The following COG7 variants were observed in gnomAD, a reference collection of about 807,000 sequenced individuals.
COG7 encodes the protein conserved oligomeric Golgi complex subunit 7.
Under a neutral mutation model 91.5 loss-of-function variants are expected in COG7, and 49 were observed. The ratio of observed to expected loss-of-function variants is 0.54; its 90% CI spans 0.43 to 0.68. COG7 has a LOEUF of 0.68. COG7 is among the 30% of genes least tolerant of loss of function. The probability of loss-of-function intolerance (pLI) is 0.00; values close to 1 mark genes in which losing one functional copy is unlikely to be tolerated. For missense variants in COG7, 895 were observed against 961.3 expected (o/e 0.93, Z 0.91); for synonymous variants, 365 against 388.7 (o/e 0.94, Z 0.72).
rs760971355 is a variant in COG7 at position 23,403,824 on chromosome 16, G to A, written c.1673C>T (p.Ser558Leu). The change falls in exon 13 of 17, where the codon TCA (serine) becomes TTA (leucine). Residue 558 changes from serine (S) to leucine (L), a missense_variant. Physicochemically the swap from Ser to Leu is moderately radical, Grantham distance 145 (BLOSUM62 -2). Coordinates refer to ENST00000307149, the MANE Select transcript of COG7 (RefSeq NM_153603.4). ...EILYTLKEKG[S>L]SNHNLLAAPR... Reference sequence around the variant, plus strand: ...TGCAGCCAGCAGGTTGTGGTTGCTTGACCCTTTTTCCTAAGACAAGAAAAT... The same window carrying A: ...TGCAGCCAGCAGGTTGTGGTTGCTTAACCCTTTTTCCTAAGACAAGAAAAT... The A allele has an allele frequency of 6.2e-7, 1 of 1,614,200 alleles. No homozygotes were observed. The highest frequency in any genetic ancestry group is 1.1e-5 in the South Asian group (1 of 91,076).
chr16:23,434,676 C>T lies in COG7; in HGVS notation c.647G>A (p.Arg216Gln), dbSNP rs766859040. The change falls in exon 5 of 17, where the codon CGG (arginine) becomes CAG (glutamine). Residue 216 changes from arginine (R) to glutamine (Q), a missense_variant. Coordinates refer to ENST00000307149, the MANE Select transcript of COG7 (RefSeq NM_153603.4). ...VFVKVFTEID[R>Q]MPQLLAYYYK... The stretch of plus-strand genomic sequence containing the variant: ...GTAGTAGGCCAGGAGCTGGGGCATC[C>T]GGTCAATTTCAGTAAACACCTTCAC... 2.5e-5 allele frequency: 41 copies of T among 1,613,692 alleles called. No individual in the cohort carries two copies. Among genetic ancestry groups the T allele is most frequent in the East Asian group, 8.9e-5 (4 of 44,884 alleles).
chr16:23,391,862 CTGGA>C (rs776553654), intron 16 of COG7: 10 of 351,578 alleles, frequency 2.8e-5, no homozygotes, highest in African/African-American at 4.3e-5. Context: ...AGGATGCTAT[CTGGA>C]TGGAGACCAC....
At chr16:23,427,997 G>A (rs1963875287) in intron 6 of COG7, among the ~76,000 whole-genome samples, 1 of 152,116 alleles carries the variant, frequency 6.6e-6, no homozygotes. Context: ...GCAACATGGT[G>A]AAACCCTGTC....
chr16:23,434,608 A>C (rs1419952346), intron 5 of COG7, 28 bp downstream of exon 5: 1 of 1,542,906 alleles, frequency 6.5e-7, no homozygotes, highest in African/African-American at 1.4e-5. Flanking sequence ...CCACAACTGC[A>C]CAACTGTCAT....
At chr16:23,397,152 T>C (rs1963298709) in intron 14 of COG7, among the ~76,000 whole-genome samples, 1 of 152,150 alleles carries the variant, frequency 6.6e-6, no homozygotes, top group African/African-American at 2.4e-5. Context: ...CAAGCAATTC[T>C]CTCGCCTCTA....
intron 12 of COG7, among the ~76,000 whole-genome samples, chr16:23,404,843 C>T (rs903079791): frequency 6.6e-6 from 1 of 152,152 alleles, no homozygotes; most frequent in Non-Finnish European, 1.5e-5. Flanking sequence ...ACGCTTGAAG[C>T]GGGGAGGCAG....
chr16:23,410,699 ATTAT>A (rs896840716), intron 10 of COG7, among the ~76,000 whole-genome samples: 38 of 151,948 alleles, frequency 2.5e-4, no homozygotes, highest in Admixed American at 1.6e-3. Flanking sequence ...TCTAAAATTT[ATTAT>A]TTATTTATTT....
At chr16:23,409,064 C>CGT (rs139188327) in intron 11 of COG7, among the ~76,000 whole-genome samples, 2,129 of 141,392 alleles carry the variant, frequency 0.015, 38 homozygotes, top group East Asian at 0.044. Flanking sequence ...AGTGTGCATG[C>CGT]GTGTGTGTGT....
intron 4 of COG7, among the ~76,000 whole-genome samples, chr16:23,440,813 A>G (rs181845033): frequency 6.6e-6 from 1 of 152,232 alleles, no homozygotes; most frequent in African/African-American, 2.4e-5. Flanking sequence ...GTGAAGTTTG[A>G]GGACTGCAAA....
chr16:23,410,935 G>C (rs890655582), intron 10 of COG7, among the ~76,000 whole-genome samples: 10 of 152,060 alleles, frequency 6.6e-5, no homozygotes, highest in African/African-American at 2.4e-4. Flanking sequence ...TCAAACTCCC[G>C]ACCTTAAGTG....
At chr16:23,431,887 A>G (rs1963940859) in intron 6 of COG7, among the ~76,000 whole-genome samples, 1 of 151,784 alleles carries the variant, frequency 6.6e-6, no homozygotes, top group Non-Finnish European at 1.5e-5. Flanking sequence ...CATGCCTGTA[A>G]TCCCAGCACT....
chr16:23,393,366 C>T lies in COG7; in HGVS notation c.1888-19G>A. The T allele has an allele frequency of 6.4e-7, 1 of 1,572,734 alleles. No homozygotes were observed. The highest frequency in any genetic ancestry group is 8.8e-7 in the Non-Finnish European group (1 of 1,142,412). On this transcript the variant is annotated intron_variant, in intron 14 of 16. Coordinates refer to ENST00000307149, the MANE Select transcript of COG7 (RefSeq NM_153603.4). ...GCCCGATCTGAAACAAAAGAAAGCG[C>T]TGTTAGCCTGACATTGACACATACG... is the stretch of plus-strand genomic sequence containing the variant.
chr16:23,424,297 CA>C (rs398042083), intron 7 of COG7, among the ~76,000 whole-genome samples: 574 of 48,670 alleles, frequency 0.012, no homozygotes, highest in Non-Finnish European at 0.015. Context: ...AACTCCATCT[CA>C]AAAAAAAAAA....
chr16:23,442,716 T>C (rs1371183531), intron 3 of COG7, 71 bp from the exon 4 acceptor site: 1 of 1,376,538 alleles, frequency 7.3e-7, no homozygotes, highest in East Asian at 2.3e-5. Flanking sequence ...ATAGATAAAA[T>C]ACATGAAAAG....
At chr16:23,401,147 T>C (rs1249019772) in intron 13 of COG7, among the ~76,000 whole-genome samples, 1 of 152,214 alleles carries the variant, frequency 6.6e-6, no homozygotes, top group Non-Finnish European at 1.5e-5. Context: ...TGAAATCAAA[T>C]ATAGCGTTGG....
chr16:23,426,825 A>G (rs1963854268), intron 6 of COG7, among the ~76,000 whole-genome samples: 1 of 148,804 alleles, frequency 6.7e-6, no homozygotes, highest in African/African-American at 2.5e-5. Context: ...GGACAAAAAA[A>G]AAAAAAAAAA....
chr16:23,429,349 A>G (rs1395584419), intron 6 of COG7, among the ~76,000 whole-genome samples: 2 of 151,206 alleles, frequency 1.3e-5, no homozygotes, highest in African/African-American at 4.9e-5. Flanking sequence ...TTCCACTCCT[A>G]GGTATTTACC....
chr16:23,442,205 A>G (rs532493178), intron 4 of COG7, among the ~76,000 whole-genome samples: 5 of 152,044 alleles, frequency 3.3e-5, no homozygotes, highest in Admixed American at 1.3e-4. Context: ...GTGGTGGCAC[A>G]CGCCTGTAAT....
chr16:23,440,480 T>A (rs1964083023), intron 4 of COG7, among the ~76,000 whole-genome samples: 1 of 151,038 alleles, frequency 6.6e-6, no homozygotes, highest in Non-Finnish European at 1.5e-5. Flanking sequence ...AAATTAAAAA[T>A]TAATTAGAAG....
Sources: gnomAD v4.1 joint callset for allele counts (sites outside exome capture counted in the v4.1 genomes callset) on GRCh38, gnomAD v4.1.1 for gene constraint, MANE v1.5 for transcripts, NCBI Gene and HGNC (gene_info 2026-07-23, HGNC 2026-07-21) for gene names.